Variants in AK7 observed in about 807,000 individuals in gnomAD.
AK7 encodes the protein ATP-AMP transphosphorylase 7.
A neutral mutation model predicts 96.6 loss-of-function variants in AK7; 78 were observed. The ratio of observed to expected loss-of-function variants is 0.81; its 90% CI spans 0.67 to 0.97. The LOEUF (loss-of-function observed/expected upper bound fraction) is 0.97. Among genes scored for constraint, AK7 ranks in the 50% least tolerant of loss-of-function variants. The pLI is 0.00. For synonymous variants in AK7, 302 were observed against 317.2 expected, an observed-to-expected ratio of 0.95 and a Z score of 0.51; for missense variants, 855 against 887.9, an observed-to-expected ratio of 0.96 and a Z score of 0.47.
At chr14:96,423,429 C>T (rs1174845565) in intron 5 of AK7, among the ~76,000 whole-genome samples, 1 of 152,152 alleles carries the variant, frequency 6.6e-6, no homozygotes, top group African/African-American at 2.4e-5. Flanking sequence ...TTGCTATTTT[C>T]ATAATAACAA....
intron 4 of AK7, among the ~76,000 whole-genome samples, chr14:96,409,269 G>A (rs909487753): frequency 1.3e-5 from 2 of 152,124 alleles, no homozygotes; most frequent in African/African-American, 4.8e-5. Context: ...AAATTCTTGT[G>A]CATACATTAA....
intron 15 of AK7, among the ~76,000 whole-genome samples, chr14:96,480,604 T>A (rs1346213840): frequency 6.6e-6 from 1 of 152,188 alleles, no homozygotes; most frequent in Non-Finnish European, 1.5e-5. Flanking sequence ...TTAGTTTACA[T>A]TATTTAGAGA....
chr14:96,483,465 A>G (rs934819758), intron 16 of AK7, among the ~76,000 whole-genome samples: 5 of 149,688 alleles, frequency 3.3e-5, no homozygotes, highest in Admixed American at 6.7e-5. Context: ...TCTGTCGCCC[A>G]GGCTGGAGTG....
At chr14:96,452,667 C>CTT (rs200803046) in intron 10 of AK7, among the ~76,000 whole-genome samples, 2 of 150,454 alleles carry the variant, frequency 1.3e-5, no homozygotes, top group African/African-American at 4.9e-5. Flanking sequence ...CTTTTCTTTT[C>CTT]TTTTTTTTTG....
chr14:96,431,055 G>C (rs1892321015), intron 5 of AK7, among the ~76,000 whole-genome samples: 1 of 151,934 alleles, frequency 6.6e-6, no homozygotes, highest in Non-Finnish European at 1.5e-5. Context: ...TTTGTGTAGA[G>C]GTGTTTATTC....
intron 10 of AK7, among the ~76,000 whole-genome samples, chr14:96,456,103 G>A (rs771870714): frequency 6.6e-6 from 1 of 151,952 alleles, no homozygotes; most frequent in Non-Finnish European, 1.5e-5. Flanking sequence ...GCTGGGCATG[G>A]TGGTGCGCAC....
Position 96,451,567 on chromosome 14 carries a change from G to A in AK7, c.1095G>A (p.Leu365=). 1 of 1,509,490 alleles carries A rather than the reference G, an allele frequency of 6.6e-7. No homozygotes were observed. The highest frequency in any genetic ancestry group is 8.9e-7 in the Non-Finnish European group (1 of 1,119,796). The allele number at this position is 1,509,490 out of a possible 1,614,324, so 93.5% of individuals were successfully genotyped here. ...ILKEYKQSRG[L]MPIKICILGP... ...AGGAGTACAAGCAAAGCAGAGGATT[G>A]ATGGTAACTATCACTGTTTCCCACT... The change falls in exon 10 of 18, where the codon TTG becomes TTA. Residue 365 remains leucine (L), a synonymous_variant. Coordinates refer to ENST00000267584, the MANE Select transcript of AK7 (RefSeq NM_152327.5).
chr14:96,442,879 T>A (rs1893035080), intron 7 of AK7, 61 bp downstream of exon 7: 2 of 1,478,868 alleles, frequency 1.4e-6, no homozygotes, highest in Non-Finnish European at 1.9e-6. Context: ...GTTTGTAGCC[T>A]AATACTTTTT....
chr14:96,393,330 G>A (rs1889864600), intron 1 of AK7, among the ~76,000 whole-genome samples: 1 of 152,190 alleles, frequency 6.6e-6, no homozygotes, highest in Admixed American at 6.5e-5. Context: ...GCTTAAAATA[G>A]GATGAGGCTA....
intron 3 of AK7, among the ~76,000 whole-genome samples, 181 bp from the exon 4 acceptor site, chr14:96,408,666 G>A (rs937489392): frequency 2.0e-5 from 3 of 152,206 alleles, no homozygotes; most frequent in Non-Finnish European, 2.9e-5. Flanking sequence ...CCGTATTTCG[G>A]ATACAGGTAG....
chr14:96,433,764 T>A (rs536266328), intron 5 of AK7, among the ~76,000 whole-genome samples: 6 of 152,164 alleles, frequency 3.9e-5, no homozygotes, highest in Non-Finnish European at 7.4e-5. Context: ...TCTGTTTTTT[T>A]CCTCTGACTG....
intron 4 of AK7, among the ~76,000 whole-genome samples, chr14:96,419,174 TCC>T (rs1891525091): frequency 6.6e-6 from 1 of 152,080 alleles, no homozygotes; most frequent in South Asian, 2.1e-4. Context: ...TGTTTTTAAT[TCC>T]TCATTCCCAG....
chr14:96,434,686 G>A (rs781601302), intron 5 of AK7, among the ~76,000 whole-genome samples: 5 of 152,176 alleles, frequency 3.3e-5, no homozygotes, highest in Non-Finnish European at 7.4e-5. Context: ...GGGTGGCAAG[G>A]TCCCCCAGGC....
intron 12 of AK7, among the ~76,000 whole-genome samples, chr14:96,460,957 T>A (rs1017504016): frequency 6.6e-6 from 1 of 152,196 alleles, no homozygotes; most frequent in Non-Finnish European, 1.5e-5. Flanking sequence ...GAGGTGGTTT[T>A]GCATGCAAAC....
At chr14:96,438,428 A>G (rs970234313) in intron 6 of AK7, among the ~76,000 whole-genome samples, 2 of 152,176 alleles carry the variant, frequency 1.3e-5, no homozygotes, top group African/African-American at 4.8e-5. Context: ...CAACGATGTG[A>G]CATTTGAGTA....
intron 10 of AK7, among the ~76,000 whole-genome samples, chr14:96,453,939 A>G (rs891111904): frequency 6.6e-6 from 1 of 152,104 alleles, no homozygotes; most frequent in African/African-American, 2.4e-5. Flanking sequence ...GTCAGGACTC[A>G]GTTCCAGAAC....
chr14:96,458,934 A>AAAAAAAAAAAAAAAAG, intron 12 of AK7, among the ~76,000 whole-genome samples: 1 of 124,990 alleles, frequency 8.0e-6, no homozygotes, highest in Non-Finnish European at 1.6e-5. Context: ...AAAAAAAAAA[A>AAAAAAAAAAAAAAAAG]AAAAGGTGAA....
chr14:96,453,638 C>T (rs1893730482), intron 10 of AK7, among the ~76,000 whole-genome samples: 1 of 152,198 alleles, frequency 6.6e-6, no homozygotes, highest in Non-Finnish European at 1.5e-5. Flanking sequence ...GATCAAAGCT[C>T]ATCAAGCAGC....
chr14:96,480,043 A>C (rs775566395), intron 15 of AK7, among the ~76,000 whole-genome samples: 1 of 152,222 alleles, frequency 6.6e-6, no homozygotes, highest in Non-Finnish European at 1.5e-5. Context: ...GGTAGAGATG[A>C]GAGATACGAA....
Sources: gnomAD v4.1 joint callset for allele counts (sites outside exome capture counted in the v4.1 genomes callset) on GRCh38, gnomAD v4.1.1 for gene constraint, MANE v1.5 for transcripts, NCBI Gene and HGNC (gene_info 2026-07-23, HGNC 2026-07-21) for gene names.